NOL4: variants seen among roughly 807,000 people sequenced by gnomAD.
The protein encoded by NOL4 is nucleolar protein 4, also known as cancer/testis antigen 125.
A neutral mutation model predicts 75.9 loss-of-function variants in NOL4; 17 were observed. That is an observed-to-expected ratio of 0.22 (90% CI 0.15 to 0.34). NOL4 has a LOEUF of 0.34. Ranked by LOEUF, NOL4 falls within the 10% of genes least tolerant of loss-of-function variation. The probability of loss-of-function intolerance (pLI) is 1.00; values close to 1 mark genes in which losing one functional copy is unlikely to be tolerated. For synonymous variants in NOL4, 292 were observed against 289.9 expected (o/e 1.01, Z -0.07); for missense variants, 614 against 793.5 (o/e 0.77, Z 2.72).
chr18:34,151,432 C>T (rs377719976), intron 1 of NOL4, among the ~76,000 whole-genome samples: 2 of 151,682 alleles, frequency 1.3e-5, no homozygotes, highest in African/African-American at 4.8e-5. Context: ...TGCATATTAT[C>T]GAGTGATAGA....
intron 5 of NOL4, among the ~76,000 whole-genome samples, chr18:34,077,579 T>C (rs530434258): frequency 2.1e-4 from 32 of 152,112 alleles, no homozygotes; most frequent in Non-Finnish European, 2.8e-4. Flanking sequence ...CATAATATAG[T>C]ATTTAAACAC....
In NOL4 at chr18:34,129,814, G is replaced by T. The variant is rs922041788; in HGVS notation, c.414+57C>A. 2.1e-6 allele frequency: 3 copies of T among 1,453,002 alleles called. No homozygotes were observed. The African/African-American group carries it at 4.3e-5, about 21-fold the overall frequency. The allele number at this position is 1,453,002 out of a possible 1,614,324, so 90.0% of individuals were successfully genotyped here. On this transcript the variant is annotated intron_variant, in intron 2 of 10. Coordinates refer to ENST00000261592, the MANE Select transcript of NOL4 (RefSeq NM_003787.5). ...TAATTATCGAACCCATTTAAACAAGGATACATAATATCAAGTCTCGAAATG... is the reference window on the plus strand; with the variant it reads ...TAATTATCGAACCCATTTAAACAAGTATACATAATATCAAGTCTCGAAATG...
chr18:34,024,194 A>AATTATATATATATATATATATAT, intron 5 of NOL4, among the ~76,000 whole-genome samples: 1 of 70,692 alleles, frequency 1.4e-5, no homozygotes, highest in Non-Finnish European at 3.1e-5. Flanking sequence ...AAAAAAAAAA[A>AATTATATATATATATATATATAT]ATATATATAT....
intron 10 of NOL4, among the ~76,000 whole-genome samples, chr18:33,881,483 TATG>T (rs1220485171): frequency 3.3e-5 from 5 of 151,912 alleles, no homozygotes; most frequent in African/African-American, 1.2e-4. Context: ...GCCCATTCAG[TATG>T]ATATTGGCTG....
At chr18:34,057,227 C>T (rs2076868355) in intron 5 of NOL4, among the ~76,000 whole-genome samples, 1 of 152,154 alleles carries the variant, frequency 6.6e-6, no homozygotes, top group South Asian at 2.1e-4. Context: ...TACCCCTCCC[C>T]ACCACCATGT....
chr18:34,190,004 CAT>C (rs1441087143), intron 1 of NOL4, among the ~76,000 whole-genome samples: 1 of 150,088 alleles, frequency 6.7e-6, no homozygotes, highest in Non-Finnish European at 1.5e-5. Context: ...TATATACACA[CAT>C]ATATAGCTTG....
chr18:33,863,708 T>C (rs1345510009), intron 10 of NOL4, among the ~76,000 whole-genome samples: 3 of 152,172 alleles, frequency 2.0e-5, no homozygotes, highest in African/African-American at 7.2e-5. Context: ...ATGGTGCAAG[T>C]TGTCAGTGGA....
In NOL4 at chr18:34,112,363, T is replaced by TC. The variant is rs142639290; in HGVS notation, c.415-7204dup. On this transcript the variant is annotated intron_variant, in intron 2 of 10. Transcript: ENST00000261592. ...TAGCCTGGGTGACAGAGTGAGACTGTCCCCCCCCAAAAAAAAAAGATATGG... is the reference window on the plus strand; with the variant it reads ...TAGCCTGGGTGACAGAGTGAGACTGTCCCCCCCCCAAAAAAAAAAGATATGG... Among the ~76,000 whole-genome samples, 379 of 143,594 alleles carry TC rather than the reference T, an allele frequency of 2.6e-3. 3 individuals carry two copies. The highest frequency in any genetic ancestry group is 6.0e-3 in the African/African-American group (232 of 38,736). The allele number at this position is 143,594 out of a possible 152,430, so 94.2% of individuals were successfully genotyped here.
chr18:34,165,524 G>GCATATTGAAA (rs1192825066), intron 1 of NOL4, among the ~76,000 whole-genome samples: 1 of 152,156 alleles, frequency 6.6e-6, no homozygotes, highest in Non-Finnish European at 1.5e-5. Context: ...CTCAATGTTT[G>GCATATTGAAA]CATATTGAAG....
intron 1 of NOL4, among the ~76,000 whole-genome samples, chr18:34,201,963 A>G (rs1013417333): frequency 6.6e-6 from 1 of 151,746 alleles, no homozygotes; most frequent in African/African-American, 2.4e-5. Flanking sequence ...TTTTCTACTT[A>G]CCTAGATTTG....
At chr18:33,870,761 C>A (rs928873971) in intron 10 of NOL4, among the ~76,000 whole-genome samples, 26 of 151,940 alleles carry the variant, frequency 1.7e-4, no homozygotes, top group Admixed American at 1.5e-3. Flanking sequence ...TAACCTATAT[C>A]ACCTGAAATA....
intron 4 of NOL4, among the ~76,000 whole-genome samples, chr18:34,095,726 G>T (rs1208797656): frequency 6.6e-6 from 1 of 151,960 alleles, no homozygotes; most frequent in Non-Finnish European, 1.5e-5. Flanking sequence ...ACATTCTACA[G>T]TATATAAAAT....
At chr18:33,950,116 T>A (rs2069111041) in intron 8 of NOL4, among the ~76,000 whole-genome samples, 1 of 151,912 alleles carries the variant, frequency 6.6e-6, no homozygotes, top group Admixed American at 6.6e-5. Context: ...GTATACCAAT[T>A]CCATTCATAT....
chr18:34,131,590 AG>A (rs1303982357), intron 1 of NOL4, among the ~76,000 whole-genome samples: 2 of 152,094 alleles, frequency 1.3e-5, no homozygotes, highest in Non-Finnish European at 2.9e-5. Context: ...AGGAACTGAG[AG>A]GGTTCCTTTG....
chr18:34,022,430 A>T (rs1224586995), intron 5 of NOL4, among the ~76,000 whole-genome samples: 2 of 152,080 alleles, frequency 1.3e-5, no homozygotes, highest in Admixed American at 6.5e-5. Flanking sequence ...GGGATTCAAA[A>T]TATTATTTTA....
intron 9 of NOL4, among the ~76,000 whole-genome samples, chr18:33,892,275 T>C (rs959227307): frequency 1.6e-4 from 24 of 151,722 alleles, no homozygotes; most frequent in Non-Finnish European, 8.8e-5. Flanking sequence ...CAAAAAAATT[T>C]AAAAAGCTGG....
At chr18:33,945,705 T>C (rs1023434247) in intron 8 of NOL4, among the ~76,000 whole-genome samples, 1 of 151,728 alleles carries the variant, frequency 6.6e-6, no homozygotes, top group African/African-American at 2.4e-5. Context: ...CACTATCCTA[T>C]TGAGTGGAAA....
intron 9 of NOL4, among the ~76,000 whole-genome samples, chr18:33,927,493 C>T (rs2067411787): frequency 6.6e-6 from 1 of 152,106 alleles, no homozygotes; most frequent in Non-Finnish European, 1.5e-5. Context: ...GCCTGTCCTG[C>T]AGTCATCTAA....
chr18:33,882,382 A>G (rs1225366832), intron 10 of NOL4, among the ~76,000 whole-genome samples: 1 of 152,176 alleles, frequency 6.6e-6, no homozygotes, highest in Non-Finnish European at 1.5e-5. Context: ...AACCCCACCA[A>G]AAAGTGGGTG....
Sources: allele counts gnomAD v4.1 joint callset (sites outside exome capture counted in the v4.1 genomes callset), GRCh38; gene constraint gnomAD v4.1.1; transcripts MANE v1.5; gene names NCBI Gene and HGNC (gene_info 2026-07-23, HGNC 2026-07-21).